Variants in USP54 observed in about 807,000 individuals in gnomAD.
USP54 encodes ubiquitin carboxyl-terminal hydrolase 54.
A neutral mutation model predicts 170.5 loss-of-function variants in USP54; 87 were observed. That is an observed-to-expected ratio of 0.51 (90% CI 0.43 to 0.61). USP54 has a LOEUF of 0.61. Ranked by LOEUF, USP54 falls within the 20% of genes least tolerant of loss-of-function variation. The pLI, the probability that USP54 is intolerant of heterozygous loss-of-function variation, is 0.00. For missense variants in USP54, 1,786 were observed against 2,047.8 expected (o/e 0.87, Z 2.47); for synonymous variants, 655 against 742.8 (o/e 0.88, Z 1.92).
chr10:73,557,670 G>A (rs568665510), intron 4 of USP54, among the ~76,000 whole-genome samples: 33 of 151,558 alleles, frequency 2.2e-4, no homozygotes, highest in Non-Finnish European at 4.1e-4. Context: ...ATTTTTAGTC[G>A]AGACAAGGTT....
rs1490348417 is a variant in USP54 at position 73,498,927 on chromosome 10, G to A, written c.4757C>T (p.Ser1586Phe). 3 of 1,614,172 alleles carry A rather than the reference G, an allele frequency of 1.9e-6. No individual in the cohort carries two copies. The highest frequency in any genetic ancestry group is 2.5e-6 in the Non-Finnish European group (3 of 1,180,030). The change falls in exon 24 of 24, where the codon TCC (serine) becomes TTC (phenylalanine). Residue 1586 changes from serine (S) to phenylalanine (F), a missense_variant. By Grantham distance (155) the Ser-to-Phe change is radical. Around this residue, in one of 3 missense-constraint regions of USP54, gnomAD observed 1,418 missense variants for 1,569.0 expected, o/e 0.90. Coordinates refer to ENST00000687698, the MANE Select transcript of USP54 (RefSeq NM_001391956.1). ...GGGTGAATGGAAAAGATCACTCCAGGACTGAGTGTGAGGAACCTGAAGGCC... is the reference window on the plus strand; with the variant it reads ...GGGTGAATGGAAAAGATCACTCCAGAACTGAGTGTGAGGAACCTGAAGGCC... Reference protein sequence around the residue: ...SKGLQVPHTQSWSDLFHSPSH... With the variant: ...SKGLQVPHTQFWSDLFHSPSH...
At chr10:73,511,749 CTT>C (rs202088100) in intron 20 of USP54, among the ~76,000 whole-genome samples, 3 of 143,700 alleles carry the variant, frequency 2.1e-5, no homozygotes, top group East Asian at 2.0e-4. Flanking sequence ...TATATTTTTT[CTT>C]TTTTTTTTTT....
rs202082216 is a variant in USP54, at chr10:73,526,737, G to A, written c.2104C>T (p.Arg702Cys). The A allele has an allele frequency of 3.0e-5, 49 of 1,613,884 alleles. No homozygotes were observed. Among genetic ancestry groups the A allele is most frequent in the South Asian group, 7.7e-5 (7 of 91,084 alleles). ...CTGCTGTGCGACTTTGGGATATGAC[G>A]CCAGGAAGGAACCAACCCAGCTGAT... The part of the protein sequence containing the change: ...KRSAGLVPSW[R>C]HIPKSHSSSI... The change falls in exon 16 of 24, where the codon CGT becomes TGT. Residue 702 changes from arginine (R) to cysteine (C), a missense_variant. By Grantham distance (180) the Arg-to-Cys change is radical. Coordinates refer to ENST00000687698, the MANE Select transcript of USP54 (RefSeq NM_001391956.1).
chr10:73,576,578 G>A (rs76199366), intron 1 of USP54, among the ~76,000 whole-genome samples: 3 of 151,226 alleles, frequency 2.0e-5, no homozygotes, highest in Admixed American at 6.6e-5. Flanking sequence ...TTTACTTTCA[G>A]GGGAAAATTC....
At chr10:73,534,211 T>TA (rs1209873630) in intron 12 of USP54, among the ~76,000 whole-genome samples, 1 of 142,292 alleles carries the variant, frequency 7.0e-6, no homozygotes, top group African/African-American at 2.6e-5. Context: ...TTCTTTCTCC[T>TA]TTTTTTTTTT....
chr10:73,596,933 G>C (rs1281650861), intron 1 of USP54, among the ~76,000 whole-genome samples: 2 of 152,098 alleles, frequency 1.3e-5, no homozygotes, highest in Non-Finnish European at 1.5e-5. Context: ...AAGCTGCTAA[G>C]GTCTACCATA....
At chr10:73,501,170 A>G (rs1451303497) in intron 22 of USP54, among the ~76,000 whole-genome samples, 1 of 152,180 alleles carries the variant, frequency 6.6e-6, no homozygotes, top group Non-Finnish European at 1.5e-5. Context: ...TAAAAACGAA[A>G]TATGAGAAAT....
intron 1 of USP54, among the ~76,000 whole-genome samples, chr10:73,577,239 C>T (rs571268076): frequency 3.9e-5 from 6 of 152,320 alleles, no homozygotes; most frequent in South Asian, 2.1e-4. Flanking sequence ...CCTTCCTTCT[C>T]ACCATCATAT....
intron 4 of USP54, among the ~76,000 whole-genome samples, chr10:73,569,603 T>C (rs2074600970): frequency 6.6e-6 from 1 of 151,646 alleles, no homozygotes; most frequent in African/African-American, 2.4e-5. Flanking sequence ...AATACAAAAA[T>C]TAGCTAGGGC....
chr10:73,557,426 T>G (rs1475456729), intron 4 of USP54, among the ~76,000 whole-genome samples: 2 of 151,838 alleles, frequency 1.3e-5, no homozygotes, highest in Non-Finnish European at 2.9e-5. Context: ...GTTCAAGTGA[T>G]TCTCCTGCCT....
chr10:73,612,163 T>C lies in USP54; in HGVS notation c.-18+13404A>G, dbSNP rs1465764888. ...AACCTAATTTATCCTATATGTATAA[T>C]TAAATATCAGATAGTTATTATTTAC... On this transcript the variant is annotated intron_variant, in intron 1 of 22. Coordinates refer to the USP54 transcript ENST00000339859. Among the ~76,000 whole-genome samples the C allele has an allele frequency of 2.6e-5, 4 of 152,298 alleles. No individual in the cohort carries two copies. The South Asian group carries it at 6.2e-4, about 24-fold the overall frequency.
chr10:73,607,332 A>G (rs1231783663), intron 1 of USP54, among the ~76,000 whole-genome samples: 1 of 82,096 alleles, frequency 1.2e-5, no homozygotes, highest in Non-Finnish European at 2.4e-5. Context: ...AAAAAAAAAA[A>G]AAAAGAAAAA....
upstream of USP54, among the ~76,000 whole-genome samples, chr10:73,593,195 C>CA (rs993654976): frequency 3.4e-3 from 444 of 129,364 alleles, no homozygotes; most frequent in African/African-American, 8.8e-3. Flanking sequence ...CCCTTCTCTA[C>CA]AAAAAAAAAA....
intron 4 of USP54, among the ~76,000 whole-genome samples, chr10:73,558,855 T>C (rs1410674735): frequency 6.6e-6 from 1 of 152,204 alleles, no homozygotes; most frequent in East Asian, 1.9e-4. Flanking sequence ...TTACCAATAA[T>C]ATAAATACTT....
intron 1 of USP54, among the ~76,000 whole-genome samples, chr10:73,621,619 A>C (rs1161898304): frequency 4.0e-5 from 6 of 151,376 alleles, no homozygotes; most frequent in African/African-American, 9.7e-5. Flanking sequence ...AAAAAAAAAA[A>C]CTACTGTATG....
chr10:73,600,773 G>A (rs963751755), intron 1 of USP54, among the ~76,000 whole-genome samples: 7 of 152,140 alleles, frequency 4.6e-5, no homozygotes, highest in Admixed American at 4.6e-4. Context: ...AATTAGCTGG[G>A]TGTGGTGGCG....
chr10:73,530,795 G>C lies in USP54; in HGVS notation c.1356C>G (p.Ser452=), dbSNP rs754536238. The change falls in exon 13 of 24, where the codon TCC becomes TCG. Residue 452 remains serine (S), a synonymous_variant. Transcript: ENST00000687698. ...TDSECNQKHT[S]KKGSLIERKR... is the part of the protein sequence containing the mutation. ...TGCGCTCTATCAGTGACCCTTTCTT[G>C]GATGTGTGTTTCTGATTACATTCAC... 1 of 1,614,090 alleles carries C rather than the reference G, an allele frequency of 6.2e-7. No individual in the cohort carries two copies. The highest frequency in any genetic ancestry group is 8.5e-7 in the Non-Finnish European group (1 of 1,180,000).
intron 15 of USP54, among the ~76,000 whole-genome samples, chr10:73,528,058 C>A (rs950052954): frequency 1.3e-5 from 2 of 151,944 alleles, no homozygotes; most frequent in African/African-American, 2.4e-5. Context: ...GCCTCAGCCT[C>A]CAGAGTAGCT....
At chr10:73,509,644 G>T (rs893358154) in intron 20 of USP54, among the ~76,000 whole-genome samples, 1 of 151,674 alleles carries the variant, frequency 6.6e-6, no homozygotes. Flanking sequence ...CTTTATTTCT[G>T]AGAGATACAT....
Sources: gnomAD v4.1 joint callset for allele counts (sites outside exome capture counted in the v4.1 genomes callset) on GRCh38, gnomAD v4.1.1 for gene constraint, gnomAD v4.1.1 regional missense constraint, MANE v1.5 for transcripts, NCBI Gene and HGNC (gene_info 2026-07-23, HGNC 2026-07-21) for gene names.